Variants in MCOLN3 observed in about 807,000 individuals in gnomAD.
MCOLN3 encodes the protein mucolipin-3.
A neutral mutation model predicts 69.4 loss-of-function variants in MCOLN3; 62 were observed. The ratio of observed to expected loss-of-function variants is 0.89; its 90% CI spans 0.73 to 1.10. The LOEUF is 1.10. Among genes scored for constraint, MCOLN3 ranks in the 50% least tolerant of loss-of-function variants. The pLI is 0.00. For synonymous variants in MCOLN3, 183 were observed against 217.0 expected (o/e 0.84, Z 1.38); for missense variants, 564 against 656.4 (o/e 0.86, Z 1.54).
intron 3 of MCOLN3, among the ~76,000 whole-genome samples, chr1:85,036,422 C>T (rs190602761): frequency 6.6e-6 from 1 of 152,292 alleles, no homozygotes; most frequent in African/African-American, 2.4e-5. Context: ...ATCTCCTGAC[C>T]TCGTGATCTG....
chr1:85,032,529 G>A (rs1445391130), intron 6 of MCOLN3, among the ~76,000 whole-genome samples, 167 bp downstream of exon 6: 6 of 152,128 alleles, frequency 3.9e-5, no homozygotes, highest in Non-Finnish European at 8.8e-5. Context: ...AAGTAAACTT[G>A]TTATTATAGC....
At chr1:85,041,988 C>T (rs1407555227) in intron 2 of MCOLN3, among the ~76,000 whole-genome samples, 2 of 151,550 alleles carry the variant, frequency 1.3e-5, no homozygotes, top group African/African-American at 2.4e-5. Context: ...ACAGCACACA[C>T]AGGCACACAC....
intron 4 of MCOLN3, 112 bp downstream of exon 4, chr1:85,033,986 A>T: frequency 8.7e-7 from 1 of 1,149,216 alleles, no homozygotes; most frequent in Non-Finnish European, 1.3e-6. Flanking sequence ...TATCATTCTT[A>T]CTATGTCCTA....
chr1:85,045,092 T>C (rs1653276235), intron 2 of MCOLN3, 41 bp downstream of exon 2: 2 of 1,503,946 alleles, frequency 1.3e-6, no homozygotes, highest in African/African-American at 1.4e-5. Flanking sequence ...TCTTTGTAAT[T>C]AAAAGAGGCT....
At chr1:85,036,180 T>C (rs116738176) in intron 3 of MCOLN3, among the ~76,000 whole-genome samples, 33 of 152,268 alleles carry the variant, frequency 2.2e-4, no homozygotes, top group Non-Finnish European at 3.7e-4. Context: ...TGATACATAA[T>C]AGATACTATT....
In MCOLN3 at chr1:85,025,705, C is replaced by A. The variant is rs888943975; in HGVS notation, c.1095+234G>T. On this transcript the variant is annotated intron_variant, in intron 9 of 12. Coordinates refer to ENST00000370589, the MANE Select transcript of MCOLN3 (RefSeq NM_018298.11). ...AATTCAGTAGGTCTAACATGGTACA[C>A]TTTACCAGGCACCCAATGATTCTGA... 8.7e-5 allele frequency: 41 copies of A among 471,892 alleles called. No individual in the cohort carries two copies. The Admixed American group carries it at 1.6e-3, about 18-fold the overall frequency. 29.2% of individuals were successfully genotyped at this position (471,892 alleles called of 1,614,324 possible). A position where few individuals can be genotyped will look rare whatever the true frequency, so the allele number is the denominator to read the frequency against.
chr1:85,023,695 CAT>C (rs908489761), intron 9 of MCOLN3, among the ~76,000 whole-genome samples: 5 of 152,108 alleles, frequency 3.3e-5, no homozygotes, highest in African/African-American at 1.2e-4. Context: ...GAATCATTGG[CAT>C]ATAGATACTA....
Position 85,022,319 on chromosome 1 carries a change from C to T in MCOLN3, c.1177G>A (p.Gly393Ser), listed in dbSNP as rs369418261. Residue 393 changes from glycine to serine, a missense_variant, in exon 10 of 13, where the codon GGT becomes AGT. Gly to Ser is a moderately conservative substitution (Grantham distance 56). Transcript: ENST00000370589. ...LVWLGVIRYL[G>S]FFAKYNLLIL... ...CTTACGTTGTACTTTGCAAAGAAAC[C>T]GAGGTATCGGATGACTCCAAGCCAC... 5 of 1,613,726 alleles carry T rather than the reference C, an allele frequency of 3.1e-6. No individual in the cohort carries two copies. The highest frequency in any genetic ancestry group is 4.2e-6 in the Non-Finnish European group (5 of 1,179,846).
At chr1:85,043,631 A>C (rs1430842716) in intron 2 of MCOLN3, among the ~76,000 whole-genome samples, 2 of 152,158 alleles carry the variant, frequency 1.3e-5, no homozygotes, top group Non-Finnish European at 2.9e-5. Context: ...AGTAGAAAAT[A>C]TTCATGTTCA....
In MCOLN3 at chr1:85,021,281, A is replaced by G. The variant is rs999163452; in HGVS notation, c.1321-5T>C. On this transcript the variant is annotated splice_polypyrimidine_tract_variant and splice_region_variant and intron_variant, in intron 11 of 12. Coordinates refer to ENST00000370589, the MANE Select transcript of MCOLN3 (RefSeq NM_018298.11). ...GACCATGTTCAGAGAACGAAACTGGAAAAAGAAAAGAGAAAAGTTCACTTT... is the reference window on the plus strand; with the variant it reads ...GACCATGTTCAGAGAACGAAACTGGGAAAAGAAAAGAGAAAAGTTCACTTT... 4 of 1,603,402 alleles carry G rather than the reference A, an allele frequency of 2.5e-6. No individual in the cohort carries two copies. The highest frequency in any genetic ancestry group is 1.7e-5 in the Admixed American group (1 of 57,912).
intron 3 of MCOLN3, among the ~76,000 whole-genome samples, chr1:85,040,379 G>A (rs1346820643): frequency 6.6e-6 from 1 of 152,198 alleles, no homozygotes; most frequent in Non-Finnish European, 1.5e-5. Context: ...GTCTGGGAAT[G>A]CTGACTTCAA....
At chr1:85,025,174 C>G (rs573655189) in intron 9 of MCOLN3, 26 of 152,298 alleles carry the variant, frequency 1.7e-4, no homozygotes, top group African/African-American at 6.0e-4. Flanking sequence ...AGATGTTGAG[C>G]TACTCACCAG....
intron 2 of MCOLN3, 59 bp downstream of exon 2, chr1:85,045,074 C>T: frequency 7.4e-7 from 1 of 1,350,752 alleles, no homozygotes; most frequent in Non-Finnish European, 1.0e-6. Flanking sequence ...AACCACTGTC[C>T]ATAGTTATCT....
At chr1:85,040,117 C>T (rs1168545451) in intron 3 of MCOLN3, among the ~76,000 whole-genome samples, 1 of 152,152 alleles carries the variant, frequency 6.6e-6, no homozygotes, top group Non-Finnish European at 1.5e-5. Flanking sequence ...CTTCTTCCCC[C>T]TACAAGCTGT....
rs540745291 is a variant in MCOLN3, at chr1:85,043,387, G to A, written c.228+1746C>T. ...TCCACTGAAAATACAAAAATTAGCC[G>A]GGCATGGTGGTGTGTGCCTGTAATC... On this transcript the variant is annotated intron_variant, in intron 2 of 12. Coordinates refer to ENST00000370589, the MANE Select transcript of MCOLN3 (RefSeq NM_018298.11). 9.3e-4 allele frequency among the ~76,000 whole-genome samples: 141 copies of A among 152,130 alleles called. No individual in the cohort carries two copies. The Middle Eastern group carries it at 0.014, about 15-fold the overall frequency.
At chr1:85,035,064 T>C (rs1411168294) in intron 3 of MCOLN3, among the ~76,000 whole-genome samples, 1 of 152,240 alleles carries the variant, frequency 6.6e-6, no homozygotes, top group Non-Finnish European at 1.5e-5. Context: ...TCAAGGTCAC[T>C]AATGAGCAGT....
chr1:85,045,201 A>T lies in MCOLN3; in HGVS notation c.160T>A (p.Trp54Arg). Residue 54 changes from tryptophan to arginine, a missense_variant, in exon 2 of 13, where the codon TGG becomes AGG. Coordinates refer to ENST00000370589, the MANE Select transcript of MCOLN3 (RefSeq NM_018298.11). ...TTCCATGGTTTTCTACCTCGAGCCC[A>T]GAACTTCTCACAGGGATTCATGAAA... is the stretch of plus-strand genomic sequence containing the variant. ...FFFMNPCEKF[W>R]ARGRKPWKLA... is the part of the protein sequence containing the mutation. 1 of 1,614,122 alleles carries T rather than the reference A, an allele frequency of 6.2e-7. No individual in the cohort carries two copies. Among genetic ancestry groups the T allele is most frequent in the Non-Finnish European group, 8.5e-7 (1 of 1,180,014 alleles).
At chr1:85,034,782 T>A (rs544365397) in intron 3 of MCOLN3, among the ~76,000 whole-genome samples, 1 of 152,250 alleles carries the variant, frequency 6.6e-6, no homozygotes, top group African/African-American at 2.4e-5. Flanking sequence ...CCTCTACATT[T>A]AAAAAAATTA....
chr1:85,035,182 A>C (rs1571113027), intron 3 of MCOLN3, among the ~76,000 whole-genome samples: 1 of 152,252 alleles, frequency 6.6e-6, no homozygotes, highest in Non-Finnish European at 1.5e-5. Context: ...TCTTTACTTG[A>C]CTTCTGGGAC....
Sources: gnomAD v4.1 joint callset for allele counts (sites outside exome capture counted in the v4.1 genomes callset) on GRCh38, gnomAD v4.1.1 for gene constraint, MANE v1.5 for transcripts, NCBI Gene and HGNC (gene_info 2026-07-23, HGNC 2026-07-21) for gene names.